Variants in RAB3GAP1 observed in about 807,000 individuals in gnomAD.
The protein encoded by RAB3GAP1 is rab3 GTPase-activating protein catalytic subunit.
In RAB3GAP1, 86 loss-of-function variants were observed where a neutral mutation model predicts 130.7. The ratio of observed to expected loss-of-function variants is 0.66; its 90% confidence interval spans 0.55 to 0.79. RAB3GAP1 has a LOEUF of 0.79. Ranked by LOEUF, RAB3GAP1 falls within the 30% of genes least tolerant of loss-of-function variation. The probability of loss-of-function intolerance (pLI) is 0.00; values close to 1 mark genes in which losing one functional copy is unlikely to be tolerated. For synonymous variants in RAB3GAP1, 367 were observed against 401.7 expected (o/e 0.91, Z 1.03); for missense variants, 1,029 against 1,169.4 (o/e 0.88, Z 1.75).
intron 3 of RAB3GAP1, chr2:135,090,015 A>G (rs1172319990): frequency 5.2e-6 from 1 of 192,962 alleles, no homozygotes; most frequent in African/African-American, 2.4e-5. Context: ...GCAGCAAACC[A>G]CTATGGCACG....
intron 2 of RAB3GAP1, 21 bp downstream of exon 2, chr2:135,052,506 G>A (rs1007960242): frequency 1.9e-6 from 3 of 1,612,742 alleles, no homozygotes; most frequent in South Asian, 2.2e-5. Context: ...CGCATTTTTG[G>A]TTACCAGCTC....
intron 5 of RAB3GAP1, among the ~76,000 whole-genome samples, chr2:135,105,811 C>T (rs1455149221): frequency 1.3e-5 from 2 of 151,646 alleles, no homozygotes; most frequent in African/African-American, 4.8e-5. Context: ...GGCCGCCCAT[C>T]GTCTGAGATG....
exon 25 of RAB3GAP1, chr2:135,176,298 C>T (rs890476291): frequency 5.9e-5 from 9 of 152,298 alleles, no homozygotes; most frequent in African/African-American, 2.2e-4. Flanking sequence ...GATATCTGCA[C>T]TCCCATGTTG....
At chr2:135,153,619 A>C (rs1282180083) in intron 18 of RAB3GAP1, 30 bp from the exon 19 acceptor site, 21 of 1,601,140 alleles carry the variant, frequency 1.3e-5, no homozygotes, top group Non-Finnish European at 1.6e-5. Flanking sequence ...TTTTCATTTG[A>C]TTCTGCTGAA....
chr2:135,111,171 C>T (rs1170223111), intron 5 of RAB3GAP1, among the ~76,000 whole-genome samples: 3 of 151,940 alleles, frequency 2.0e-5, no homozygotes, highest in Non-Finnish European at 4.4e-5. Context: ...TTTTTTAAAT[C>T]ATTACTCCTG....
chr2:135,160,133 T>C (rs1314369417), intron 19 of RAB3GAP1, among the ~76,000 whole-genome samples: 1 of 152,162 alleles, frequency 6.6e-6, no homozygotes, highest in East Asian at 1.9e-4. Context: ...CATTTTAAAG[T>C]GGTGAATTTT....
intron 5 of RAB3GAP1, among the ~76,000 whole-genome samples, chr2:135,105,522 G>C (rs549931345): frequency 6.6e-6 from 1 of 152,090 alleles, no homozygotes; most frequent in African/African-American, 2.4e-5. Flanking sequence ...ACGGAGTCTC[G>C]TTCACTCAGT....
chr2:135,117,828 CTTCT>C, intron 7 of RAB3GAP1, among the ~76,000 whole-genome samples: 1 of 149,536 alleles, frequency 6.7e-6, no homozygotes, highest in Non-Finnish European at 1.5e-5. Flanking sequence ...CTTTCTTCTT[CTTCT>C]TTCTTCTTCT....
chr2:135,130,935 TGA>T (rs1375865491), intron 13 of RAB3GAP1, among the ~76,000 whole-genome samples: 1 of 152,066 alleles, frequency 6.6e-6, no homozygotes, highest in Non-Finnish European at 1.5e-5. Flanking sequence ...AAGGGGGCTG[TGA>T]GAGCACAGCA....
Position 135,109,668 on chromosome 2 carries a change from A to G in RAB3GAP1, c.363-3483A>G, listed in dbSNP as rs370326813. ...GCAATCTCGGCTCACTGCAAGTTCC[A>G]CTTCCTGGGTTCACGCCATTCTCCT... is the stretch of plus-strand genomic sequence containing the variant. On this transcript the variant is annotated intron_variant, in intron 5 of 23. Transcript: ENST00000264158. Among the ~76,000 whole-genome samples the G allele has an allele frequency of 2.2e-4, 33 of 151,304 alleles. No homozygotes were observed. The South Asian group carries it at 5.9e-3, about 27-fold the overall frequency.
chr2:135,082,443 T>A (rs1358398334), intron 3 of RAB3GAP1, among the ~76,000 whole-genome samples: 1 of 138,708 alleles, frequency 7.2e-6, no homozygotes, highest in Non-Finnish European at 1.6e-5. Context: ...ATACACACAC[T>A]TTTTTTTTTT....
At chr2:135,110,597 T>C (rs576174079) in intron 5 of RAB3GAP1, among the ~76,000 whole-genome samples, 1 of 152,332 alleles carries the variant, frequency 6.6e-6, no homozygotes, top group South Asian at 2.1e-4. Flanking sequence ...ATTCATGGCT[T>C]GTATACAGTG....
At chr2:135,117,339 C>T (rs1303998984) in intron 7 of RAB3GAP1, among the ~76,000 whole-genome samples, 3 of 152,056 alleles carry the variant, frequency 2.0e-5, no homozygotes, top group Admixed American at 1.3e-4. Flanking sequence ...TTTGCTCTCA[C>T]CAGAAGTCTT....
chr2:135,075,229 T>TGAGTAACAA (rs770280076), intron 3 of RAB3GAP1, among the ~76,000 whole-genome samples: 6 of 152,240 alleles, frequency 3.9e-5, no homozygotes, highest in Non-Finnish European at 8.8e-5. Context: ...TTCTACTTTT[T>TGAGTAACAA]GAGTAACAAA....
rs763677321 is a variant in RAB3GAP1 at position 135,120,908 on chromosome 2, G to A, written c.738G>A (p.Gln246=). The change falls in exon 8 of 24, where the codon CAG becomes CAA. Residue 246 remains glutamine, a synonymous_variant. Transcript: ENST00000264158. ...LQDWQQYFWP[Q]QPPDIDALVG... is the part of the protein sequence containing the mutation. ...ATTGGCAGCAGTATTTTTGGCCTCAGCAACCTCCAGGTGAGATCATTTAGA... is the reference window on the plus strand; with the variant it reads ...ATTGGCAGCAGTATTTTTGGCCTCAACAACCTCCAGGTGAGATCATTTAGA... 2 of 1,591,014 alleles carry A rather than the reference G, an allele frequency of 1.3e-6. No homozygotes were observed. The highest frequency in any genetic ancestry group is 3.3e-5 in the Admixed American group (2 of 59,988).
At chr2:135,138,827 A>G (rs1006864422) in intron 17 of RAB3GAP1, among the ~76,000 whole-genome samples, 7 of 151,976 alleles carry the variant, frequency 4.6e-5, no homozygotes, top group African/African-American at 1.7e-4. Context: ...ATGTTGCCCA[A>G]GCTGGTCCTA....
At chr2:135,069,506 A>G (rs553336532) in intron 3 of RAB3GAP1, among the ~76,000 whole-genome samples, 14 of 152,080 alleles carry the variant, frequency 9.2e-5, no homozygotes, top group African/African-American at 3.4e-4. Context: ...GGCAAGTTTT[A>G]TGGATGAGTC....
At chr2:135,143,801 G>T (rs1036075586) in intron 17 of RAB3GAP1, among the ~76,000 whole-genome samples, 3 of 151,964 alleles carry the variant, frequency 2.0e-5, no homozygotes, top group African/African-American at 4.8e-5. Flanking sequence ...CGCCCGCCTC[G>T]GCCTCCCAAA....
At chr2:135,164,753 G>A (rs948305747) in intron 23 of RAB3GAP1, 57 bp downstream of exon 23, 1 of 1,423,752 alleles carries the variant, frequency 7.0e-7, no homozygotes, top group Non-Finnish European at 9.7e-7. Flanking sequence ...TACTTGGGAA[G>A]AGGCTGTTTT....
Sources: allele counts gnomAD v4.1 joint callset (sites outside exome capture counted in the v4.1 genomes callset), GRCh38; gene constraint gnomAD v4.1.1; transcripts MANE v1.5; gene names NCBI Gene and HGNC (gene_info 2026-07-23, HGNC 2026-07-21).